PUS3: variants seen among roughly 807,000 people sequenced by gnomAD.
PUS3 encodes the protein pseudouridine synthase 3, also known as tRNA pseudouridine(38/39) synthase.
In PUS3, 36 loss-of-function variants were observed where a neutral mutation model predicts 43.3. The ratio of observed to expected loss-of-function variants is 0.83; its 90% CI spans 0.64 to 1.10. PUS3 has a LOEUF of 1.10. PUS3 is among the 50% of genes least tolerant of loss of function. The pLI is 0.00. For missense variants in PUS3, 544 were observed against 589.9 expected (o/e 0.92, Z 0.81); for synonymous variants, 183 against 199.2 (o/e 0.92, Z 0.69).
rs148691077 is a variant in PUS3 at position 125,896,146 on chromosome 11, C to T, written c.139G>A (p.Gly47Arg). The T allele has an allele frequency of 2.5e-3, 3,964 of 1,614,158 alleles. 12 individuals are homozygous for T. The highest frequency in any genetic ancestry group is 2.5e-3 in the Non-Finnish European group (2,911 of 1,180,012). The change falls in exon 2 of 4, where the codon GGA becomes AGA. Residue 47 changes from glycine to arginine, a missense_variant. By Grantham distance (125) the Gly-to-Arg change is moderately radical. Coordinates refer to ENST00000227474, the MANE Select transcript of PUS3 (RefSeq NM_031307.4). ...EDSNIRENSA[G>R]AGKTKRAFDF... is the part of the protein sequence containing the mutation. ...AATGCACGCTTAGTTTTTCCAGCTC[C>T]TGCTGAATTTTCTCTAATGTTTGAG... is the stretch of plus-strand genomic sequence containing the variant.
At chr11:125,897,631 C>T (rs190632264) in intron 1 of PUS3, among the ~76,000 whole-genome samples, 1 of 151,838 alleles carries the variant, frequency 6.6e-6, no homozygotes, top group Non-Finnish European at 1.5e-5. Flanking sequence ...TTTAAATGCT[C>T]AATTTTACTC....
At position 125,893,629 on chromosome 11, in the gene PUS3, A is replaced by G. The variant is rs1944474560; in HGVS notation, c.*156T>C. 8.5e-6 allele frequency: 5 copies of G among 591,126 alleles called. No individual in the cohort carries two copies. Among genetic ancestry groups the G allele is most frequent in the East Asian group, 3.0e-5 (1 of 33,874 alleles). The allele number at this position is 591,126 out of a possible 1,614,324, so 36.6% of individuals were successfully genotyped here. A position where few individuals can be genotyped will look rare whatever the true frequency, so the allele number is the denominator to read the frequency against. ...ATATTTGAAATTTCTTATTAAAGCA[A>G]TAACTTCCTTAATAGGGCTTTAGTC... On this transcript the variant is annotated 3_prime_UTR_variant, in exon 4 of 4. Coordinates refer to ENST00000227474, the MANE Select transcript of PUS3 (RefSeq NM_031307.4).
chr11:125,900,436 A>G, intron 1 of PUS3: 1 of 644,790 alleles, frequency 1.6e-6, no homozygotes, highest in Non-Finnish European at 2.7e-6. Flanking sequence ...ATCAGATGAT[A>G]CTTCCAAATT....
intron 1 of PUS3, among the ~76,000 whole-genome samples, chr11:125,896,840 T>C (rs571681768): frequency 2.6e-5 from 4 of 152,288 alleles, no homozygotes; most frequent in African/African-American, 9.6e-5. Flanking sequence ...CAATAGAAGC[T>C]AGCCTAACTG....
In PUS3 at chr11:125,893,516, A is replaced by G. The variant is rs1362463918; in HGVS notation, c.*269T>C. On this transcript the variant is annotated 3_prime_UTR_variant, in exon 4 of 4. Coordinates refer to ENST00000227474, the MANE Select transcript of PUS3 (RefSeq NM_031307.4). Reference sequence around the variant, plus strand: ...CAGGATTAGGCTTTAATGAATTTGAATACAAGGCACAGGTTTCCAGGTGTA... The same window carrying G: ...CAGGATTAGGCTTTAATGAATTTGAGTACAAGGCACAGGTTTCCAGGTGTA... 6.8e-6 allele frequency: 2 copies of G among 295,970 alleles called. No individual in the cohort carries two copies. The highest frequency in any genetic ancestry group is 1.2e-5 in the Non-Finnish European group (2 of 161,802). 18.3% of individuals were successfully genotyped at this position (295,970 alleles called of 1,614,324 possible).
chr11:125,899,440 T>A, intron 1 of PUS3: 1 of 1,614,212 alleles, frequency 6.2e-7, no homozygotes. Flanking sequence ...TGGCAGCTGC[T>A]ACAGCTTTTA....
chr11:125,897,050 G>A (rs915852640), intron 1 of PUS3, among the ~76,000 whole-genome samples: 3 of 152,160 alleles, frequency 2.0e-5, no homozygotes, highest in African/African-American at 7.2e-5. Context: ...TAATGTAGAT[G>A]TCAGTGTAGA....
At chr11:125,899,297 A>G in intron 1 of PUS3, 1 of 1,383,422 alleles carries the variant, frequency 7.2e-7, no homozygotes, top group Non-Finnish European at 1.0e-6. Flanking sequence ...GCAATTTATG[A>G]GCTGGGAATT....
chr11:125,901,391 G>T (rs1483962435), intron 1 of PUS3, among the ~76,000 whole-genome samples: 2 of 152,108 alleles, frequency 1.3e-5, no homozygotes, highest in African/African-American at 4.8e-5. Context: ...TAGCCTGTTT[G>T]GGTGCAGATC....
chr11:125,893,838 C>T lies in PUS3; in HGVS notation c.1393G>A (p.Glu465Lys). 1 of 1,613,914 alleles carries T rather than the reference C, an allele frequency of 6.2e-7. No homozygotes were observed. Among genetic ancestry groups the T allele is most frequent in the Non-Finnish European group, 8.5e-7 (1 of 1,179,962 alleles). ...DTLEEENTNLETPTKRVCVDT... is the reference protein window; with the variant it reads ...DTLEEENTNLKTPTKRVCVDT... ...ACACAGACCCTCTTCGTTGGTGTCT[C>T]CAAATTAGTATTCTCTTCCTCTAGT... Residue 465 changes from glutamate (E) to lysine (K), a missense_variant, in exon 4 of 4, where the codon GAG becomes AAG. Glu to Lys is a moderately conservative substitution (Grantham distance 56). Coordinates refer to ENST00000227474, the MANE Select transcript of PUS3 (RefSeq NM_031307.4).
At chr11:125,900,098 C>T (rs754264688) in intron 1 of PUS3, 1 of 1,614,174 alleles carries the variant, frequency 6.2e-7, no homozygotes, top group Non-Finnish European at 8.5e-7. Flanking sequence ...TGTCCGAGAG[C>T]AGATGCTTTG....
intron 1 of PUS3, chr11:125,899,203 C>G: frequency 1.6e-6 from 1 of 630,126 alleles, no homozygotes; most frequent in Non-Finnish European, 2.8e-6. Flanking sequence ...CTAAACTGTT[C>G]TGATACTACC....
In PUS3 at chr11:125,893,810, T is replaced by A; in HGVS notation, c.1421A>T (p.Asp474Val). 1 of 1,612,598 alleles carries A rather than the reference T, an allele frequency of 6.2e-7. No individual in the cohort carries two copies. The highest frequency in any genetic ancestry group is 8.5e-7 in the Non-Finnish European group (1 of 1,179,132). Residue 474 changes from aspartate (D) to valine (V), a missense_variant, in exon 4 of 4, where the codon GAC (aspartate) becomes GTC (valine). Coordinates refer to ENST00000227474, the MANE Select transcript of PUS3 (RefSeq NM_031307.4). The part of the protein sequence containing the change: ...LETPTKRVCV[D>V]TEIKSII The stretch of plus-strand genomic sequence containing the variant: ...TTAAATGATGCTTTTAATTTCTGTG[T>A]CAACACAGACCCTCTTCGTTGGTGT...
Position 125,894,017 on chromosome 11 carries a change from CCTT to C in PUS3, c.1211_1213del (p.Glu404del), listed in dbSNP as rs763665786. ...GGGCTTATATGTGCGCATCTTCACTCCTTCTACAAAGGCACTGGTCTGCTTTAT... is the reference window on the plus strand; with the variant it reads ...GGGCTTATATGTGCGCATCTTCACTCCTACAAAGGCACTGGTCTGCTTTAT... On this transcript the variant is annotated inframe_deletion, in exon 4 of 4. Coordinates refer to ENST00000227474, the MANE Select transcript of PUS3 (RefSeq NM_031307.4). The C allele has an allele frequency of 8.7e-6, 14 of 1,614,090 alleles. No individual in the cohort carries two copies. Among genetic ancestry groups the C allele is most frequent in the Middle Eastern group, 1.6e-4 (1 of 6,084 alleles).
intron 1 of PUS3, chr11:125,900,223 T>G (rs1376749637): frequency 5.0e-6 from 8 of 1,614,068 alleles, no homozygotes; most frequent in Non-Finnish European, 6.8e-6. Flanking sequence ...ACCTTGCAAA[T>G]GGTGTCATAC....
intron 1 of PUS3, among the ~76,000 whole-genome samples, chr11:125,896,553 T>C (rs1944597468): frequency 6.6e-6 from 1 of 152,236 alleles, no homozygotes; most frequent in Non-Finnish European, 1.5e-5. Context: ...CAGTTGTCAT[T>C]ATTAAGGTTT....
intron 1 of PUS3, among the ~76,000 whole-genome samples, chr11:125,901,181 T>C (rs957834695): frequency 6.6e-6 from 1 of 152,172 alleles, no homozygotes; most frequent in Non-Finnish European, 1.5e-5. Context: ...ACATACAGGA[T>C]TCAAACTTGT....
rs559964749 is a variant in PUS3 at position 125,899,047 on chromosome 11, C to A, written c.-46-2717G>T. ...ACATAATGTGCATTAAGCAGTATGCCCCATATCATGTAGTTTCAAGCTTTT... is the reference window on the plus strand; with the variant it reads ...ACATAATGTGCATTAAGCAGTATGCACCATATCATGTAGTTTCAAGCTTTT... On this transcript the variant is annotated intron_variant, in intron 1 of 3. Coordinates refer to ENST00000227474, the MANE Select transcript of PUS3 (RefSeq NM_031307.4). The A allele has an allele frequency of 4.8e-3, 1,461 of 304,692 alleles. 6 individuals carry two copies. The highest frequency in any genetic ancestry group is 7.2e-3 in the Middle Eastern group (7 of 974). The allele number at this position is 304,692 out of a possible 1,614,324, so 18.9% of individuals were successfully genotyped here. A position where few individuals can be genotyped will look rare whatever the true frequency, so the allele number is the denominator to read the frequency against.
At chr11:125,896,968 T>C (rs955455586) in intron 1 of PUS3, among the ~76,000 whole-genome samples, 9 of 152,348 alleles carry the variant, frequency 5.9e-5, no homozygotes, top group African/African-American at 1.9e-4. Context: ...GACCCCTTTC[T>C]AAAGCTGAAT....
Sources: allele counts gnomAD v4.1 joint callset (sites outside exome capture counted in the v4.1 genomes callset), GRCh38; gene constraint gnomAD v4.1.1; transcripts MANE v1.5; gene names NCBI Gene and HGNC (gene_info 2026-07-23, HGNC 2026-07-21).